Variants in P4HA3 observed in about 807,000 individuals in gnomAD.
P4HA3 encodes the protein prolyl 4-hydroxylase subunit alpha-3.
Under a neutral mutation model 66.7 loss-of-function variants are expected in P4HA3, and 60 were observed. That is an observed-to-expected ratio of 0.90 (90% CI 0.73 to 1.12). P4HA3 has a LOEUF of 1.12. Among genes scored for constraint, P4HA3 ranks in the 50% most tolerant of loss-of-function variants. P4HA3 has a pLI of 0.00. For missense variants in P4HA3, 683 were observed against 685.8 expected (o/e 1.00, Z 0.05); for synonymous variants, 263 against 274.6 (o/e 0.96, Z 0.42).
At position 74,311,586 on chromosome 11, in the gene P4HA3, G is replaced by C; in HGVS notation, c.26C>G (p.Ala9Gly). MGPGARLA[A>G]LLAVLALGTG... ...CCCGAGCGCCAGCACCGCCAGCAGC[G>C]CCGCCAGCCGCGCCCCAGGACCCAT... is the stretch of plus-strand genomic sequence containing the variant. The change falls in exon 1 of 13, where the codon GCG becomes GGG. Residue 9 changes from alanine (A) to glycine (G), a missense_variant. Ala to Gly is a moderately conservative substitution (Grantham distance 60, BLOSUM62 0). Coordinates refer to ENST00000331597, the MANE Select transcript of P4HA3 (RefSeq NM_182904.5). 1 of 1,533,042 alleles carries C rather than the reference G, an allele frequency of 6.5e-7. No homozygotes were observed. The highest frequency in any genetic ancestry group is 8.7e-7 in the Non-Finnish European group (1 of 1,151,570). 95.0% of individuals were successfully genotyped at this position (1,533,042 alleles called of 1,614,324 possible). A position where few individuals can be genotyped will look rare whatever the true frequency, so the allele number is the denominator to read the frequency against.
rs1321094405 is a variant in P4HA3, at chr11:74,286,209, T to C, written c.933+19A>G. On this transcript the variant is annotated intron_variant, in intron 6 of 12. Transcript: ENST00000331597. ...CTAGCCAGGCCTCTCCCCCTTTCTC[T>C]TTCCCTGAGGAATCCTACCTGGGAA... 1.9e-6 allele frequency: 3 copies of C among 1,608,906 alleles called. No individual in the cohort carries two copies. In the Admixed American group the frequency reaches 5.1e-5, roughly 27 times the overall value.
intron 11 of P4HA3, among the ~76,000 whole-genome samples, chr11:74,269,014 T>C (rs1443706885): frequency 6.6e-6 from 1 of 152,210 alleles, no homozygotes; most frequent in Admixed American, 6.5e-5. Flanking sequence ...CTGGCATTGA[T>C]TATCGAATGC....
intron 5 of P4HA3, among the ~76,000 whole-genome samples, chr11:74,286,616 C>T (rs1259363692): frequency 6.6e-6 from 1 of 152,128 alleles, no homozygotes; most frequent in Non-Finnish European, 1.5e-5. Context: ...TCTGAAGGTG[C>T]AAAGGGTTTT....
intron 10 of P4HA3, among the ~76,000 whole-genome samples, chr11:74,272,409 G>A (rs11236042): frequency 0.15 from 23,564 of 152,036 alleles, 2,121 homozygotes; most frequent in East Asian, 0.3. Context: ...TCATTCTTTC[G>A]CCGTTTGTGA....
intron 4 of P4HA3, among the ~76,000 whole-genome samples, chr11:74,290,252 G>A (rs534976445): frequency 1.1e-4 from 17 of 152,298 alleles, no homozygotes; most frequent in South Asian, 8.3e-4. Context: ...CTTTTGAGAA[G>A]TGTCTGTTCA....
At chr11:74,252,361 T>G in intron 15 of P4HA3, 1 of 448,208 alleles carries the variant, frequency 2.2e-6, no homozygotes, top group Non-Finnish European at 4.5e-6. Flanking sequence ...GTGTTGGGAT[T>G]ATAGGGATTA....
At chr11:74,266,027 T>C (rs558653006), downstream of P4HA3, among the ~76,000 whole-genome samples, 3 of 152,166 alleles carry the variant, frequency 2.0e-5, no homozygotes, top group South Asian at 2.1e-4. Flanking sequence ...TGAGGTAATA[T>C]TGAGCCACTG....
intron 5 of P4HA3, 22 bp downstream of exon 5, chr11:74,289,057 T>G: frequency 2.0e-6 from 3 of 1,511,192 alleles, no homozygotes; most frequent in East Asian, 2.4e-5. Context: ...TGTGGCTGGC[T>G]TATCTTTTAT....
At chr11:74,302,322 A>G (rs753610327) in intron 3 of P4HA3, 47 bp downstream of exon 3, 4 of 1,503,464 alleles carry the variant, frequency 2.7e-6, no homozygotes, top group Admixed American at 4.0e-5. Context: ...TATTTTATCC[A>G]TAAGAAACCA....
intron 3 of P4HA3, among the ~76,000 whole-genome samples, chr11:74,301,049 C>T (rs376806522): frequency 1.3e-5 from 2 of 152,012 alleles, no homozygotes; most frequent in Admixed American, 1.3e-4. Flanking sequence ...GGTTCAGGAT[C>T]GCTGCTACCT....
chr11:74,297,426 G>A (rs926740977), intron 4 of P4HA3, among the ~76,000 whole-genome samples: 2 of 152,282 alleles, frequency 1.3e-5, no homozygotes, highest in African/African-American at 4.8e-5. Context: ...AAAAGGTAGG[G>A]AGCAGAAATG....
rs1040400988 is a variant in P4HA3 at position 74,276,906 on chromosome 11, T to A, written c.1335+79A>T. 6 of 1,395,082 alleles carry A rather than the reference T, an allele frequency of 4.3e-6. No individual in the cohort carries two copies. In the African/African-American group the frequency reaches 8.7e-5, roughly 20 times the overall value. The allele number at this position is 1,395,082 out of a possible 1,614,324, so 86.4% of individuals were successfully genotyped here. On this transcript the variant is annotated intron_variant, in intron 9 of 12. Coordinates refer to ENST00000331597, the MANE Select transcript of P4HA3 (RefSeq NM_182904.5). Reference sequence around the variant, plus strand: ...TTTCACTTAGTATTCCCTGAGAGCCTACAAGAGCTCTGCCTCAGAGAAATA... The same window carrying A: ...TTTCACTTAGTATTCCCTGAGAGCCAACAAGAGCTCTGCCTCAGAGAAATA...
At chr11:74,299,389 A>G (rs575631337) in intron 3 of P4HA3, among the ~76,000 whole-genome samples, 1 of 152,338 alleles carries the variant, frequency 6.6e-6, no homozygotes, top group East Asian at 1.9e-4. Flanking sequence ...GAGATATTGC[A>G]ATTCTGCAGC....
chr11:74,286,307 G>C lies in P4HA3; in HGVS notation c.854C>G (p.Ala285Gly), dbSNP rs1256892876. Residue 285 changes from alanine (A) to glycine (G), a missense_variant, in exon 6 of 13, where the codon GCT becomes GGT. Physicochemically the swap from Ala to Gly is moderately conservative, Grantham distance 60. Transcript: ENST00000331597. The stretch of plus-strand genomic sequence containing the variant: ...GGGTATATTGGGCCTCTGGATGACA[G>C]CCTCAGCTACCACGTGGTTGGGGCT... ...AESPNHVVAE[A>G]VIQRPNIPHL... 6.2e-7 allele frequency: 1 copy of C among 1,610,326 alleles called. No homozygotes were observed. The highest frequency in any genetic ancestry group is 1.3e-5 in the African/African-American group (1 of 74,724).
At chr11:74,268,379 G>T in intron 11 of P4HA3, 138 bp from the exon 12 acceptor site, 1 of 690,306 alleles carries the variant, frequency 1.4e-6, no homozygotes, top group Non-Finnish European at 2.5e-6. Context: ...GCATAAAATG[G>T]CACAAAATGG....
In P4HA3 at chr11:74,311,443, C is replaced by G; in HGVS notation, c.169G>C (p.Gly57Arg). 2 of 1,538,888 alleles carry G rather than the reference C, an allele frequency of 1.3e-6. No homozygotes were observed. The highest frequency in any genetic ancestry group is 1.7e-6 in the Non-Finnish European group (2 of 1,149,894). The change falls in exon 1 of 13, where the codon GGG (glycine) becomes CGG (arginine). Residue 57 changes from glycine to arginine, a missense_variant. Physicochemically the swap from Gly to Arg is moderately radical, Grantham distance 125. Coordinates refer to ENST00000331597, the MANE Select transcript of P4HA3 (RefSeq NM_182904.5). ...AGGTCCCGCAGCCGCGCCTCCTCCCCGCGCAGGTACCGCCTCAGCAGCCCC... is the reference window on the plus strand; with the variant it reads ...AGGTCCCGCAGCCGCGCCTCCTCCCGGCGCAGGTACCGCCTCAGCAGCCCC... ...LLGLLRRYLRGEEARLRDLTR... is the reference protein window; with the variant it reads ...LLGLLRRYLRREEARLRDLTR...
intron 7 of P4HA3, among the ~76,000 whole-genome samples, chr11:74,280,827 T>C (rs1860567317): frequency 6.6e-6 from 1 of 152,148 alleles, no homozygotes; most frequent in Non-Finnish European, 1.5e-5. Flanking sequence ...AATGTCATTG[T>C]CCCTCCTGCT....
intron 4 of P4HA3, among the ~76,000 whole-genome samples, chr11:74,294,544 T>C (rs889850067): frequency 2.0e-5 from 3 of 152,208 alleles, no homozygotes; most frequent in African/African-American, 7.2e-5. Flanking sequence ...GTTTCCAGTG[T>C]TTCTGCTCTG....
intron 7 of P4HA3, 121 bp from the exon 8 acceptor site, chr11:74,279,573 T>C: frequency 1.1e-6 from 1 of 897,074 alleles, no homozygotes; most frequent in East Asian, 2.4e-5. Flanking sequence ...TCCTCCTTAA[T>C]TAGAGGACAT....
Sources: gnomAD v4.1 joint callset for allele counts (sites outside exome capture counted in the v4.1 genomes callset) on GRCh38, gnomAD v4.1.1 for gene constraint, MANE v1.5 for transcripts, NCBI Gene and HGNC (gene_info 2026-07-23, HGNC 2026-07-21) for gene names.